AP1B1: variants seen among roughly 807,000 people sequenced by gnomAD.
AP1B1 encodes the protein AP-1 complex subunit beta-1.
A neutral mutation model predicts 104.3 loss-of-function variants in AP1B1; 36 were observed. The observed-to-expected ratio is 0.35, with a 90% CI of 0.26 to 0.46. The LOEUF is 0.46. AP1B1 is among the 20% of genes least tolerant of loss of function. AP1B1 has a pLI of 1.00. For synonymous variants in AP1B1, 504 were observed against 517.5 expected (o/e 0.97, Z 0.35); for missense variants, 901 against 1,247.9 (o/e 0.72, Z 4.19).
At chr22:29,334,742 G>A (rs111867815) in intron 16 of AP1B1, among the ~76,000 whole-genome samples, 163 of 150,612 alleles carry the variant, frequency 1.1e-3, no homozygotes, top group African/African-American at 3.7e-3. Context: ...GCTGGCAATG[G>A]AGGGATCACT....
At chr22:29,353,153 C>G (rs540629992) in intron 7 of AP1B1, among the ~76,000 whole-genome samples, 1 of 152,238 alleles carries the variant, frequency 6.6e-6, no homozygotes, top group East Asian at 1.9e-4. Context: ...TACTCCTATG[C>G]CCTTCCAGAA....
At chr22:29,333,633 G>C (rs2061593980) in intron 17 of AP1B1, among the ~76,000 whole-genome samples, 1 of 151,960 alleles carries the variant, frequency 6.6e-6, no homozygotes, top group South Asian at 2.1e-4. Context: ...AGGATTGCTT[G>C]AGCCCAAGGG....
intron 15 of AP1B1, among the ~76,000 whole-genome samples, chr22:29,339,524 C>T (rs1055443550): frequency 2.0e-5 from 3 of 151,884 alleles, no homozygotes; most frequent in Admixed American, 6.6e-5. Context: ...GATGACAAGG[C>T]GACGTGTCAT....
intron 22 of AP1B1, 184 bp from the exon 23 acceptor site, chr22:29,329,079 T>C: frequency 7.1e-7 from 1 of 1,412,458 alleles, no homozygotes; most frequent in African/African-American, 1.4e-5. Context: ...GCCAGCCGGG[T>C]GTGGACCAAA....
Position 29,328,841 on chromosome 22 carries a change from C to T in AP1B1, c.2830G>A (p.Glu944Lys), listed in dbSNP as rs1308738308. 11 of 1,608,216 alleles carry T rather than the reference C, an allele frequency of 6.8e-6. No individual in the cohort carries two copies. Among genetic ancestry groups the T allele is most frequent in the African/African-American group, 2.7e-5 (2 of 74,828 alleles). The change falls in exon 23 of 23, where the codon GAG (glutamate) becomes AAG (lysine). Residue 944 changes from glutamate to lysine, a missense_variant. Coordinates refer to ENST00000357586, the MANE Select transcript of AP1B1 (RefSeq NM_001127.4). The surrounding 1 kb of genome is among the most constrained non-coding windows in gnomAD (Gnocchi z 4.1). ...EVSQHVYQAYETILKN is the reference protein window; with the variant it reads ...EVSQHVYQAYKTILKN ...GGGTCTCAGTTCTTGAGGATGGTCT[C>T]GTAGGCCTGGTACACGTGCTGGGAC...
chr22:29,355,953 G>A (rs937708007), intron 6 of AP1B1, among the ~76,000 whole-genome samples: 2 of 152,054 alleles, frequency 1.3e-5, no homozygotes, highest in African/African-American at 4.8e-5. Context: ...AGGGTATCTT[G>A]TTGGTTAAGA....
chr22:29,330,099 G>T, intron 21 of AP1B1: 1 of 1,415,912 alleles, frequency 7.1e-7, no homozygotes, highest in East Asian at 2.6e-5. Context: ...TCACTTCCCA[G>T]TCAGGGGTGC....
In AP1B1 at chr22:29,328,913, G is replaced by A; in HGVS notation, c.2776-18C>T. 1 of 1,602,964 alleles carries A rather than the reference G, an allele frequency of 6.2e-7. No individual in the cohort carries two copies. The highest frequency in any genetic ancestry group is 8.5e-7 in the Non-Finnish European group (1 of 1,176,828). On this transcript the variant is annotated intron_variant, in intron 22 of 22. Transcript: ENST00000357586. This position sits in a 1 kb window ranked among gnomAD's most constrained non-coding sequence, Gnocchi z 4.1. ...AGGGACAGCTGCAGGGGAGAGAGGG[G>A]TCGGGGGAAAGAGCGCTCATCCCTG...
intron 4 of AP1B1, 126 bp from the exon 5 acceptor site, chr22:29,359,097 CACCAACTACA>C (rs1477556232): frequency 1.0e-6 from 1 of 962,118 alleles, no homozygotes; most frequent in East Asian, 2.6e-5. Context: ...TGTGGATCTT[CACCAACTACA>C]GCCAACAACA....
intron 13 of AP1B1, 142 bp downstream of exon 13, chr22:29,341,359 C>G (rs1016012884): frequency 1.9e-6 from 2 of 1,071,882 alleles, no homozygotes; most frequent in Non-Finnish European, 2.6e-6. Context: ...ACCTTGTGTA[C>G]AATAAATAGC....
chr22:29,338,817 G>C (rs2061673096), intron 16 of AP1B1, among the ~76,000 whole-genome samples, 173 bp downstream of exon 16: 1 of 152,154 alleles, frequency 6.6e-6, no homozygotes, highest in African/African-American at 2.4e-5. Flanking sequence ...AGCCTTCCTA[G>C]GTACCCACCA....
intron 19 of AP1B1, 103 bp downstream of exon 19, chr22:29,331,345 CG>C: frequency 8.8e-7 from 1 of 1,139,552 alleles, no homozygotes; most frequent in South Asian, 1.3e-5. Context: ...ACTCCATTTA[CG>C]GGCAAGGCAG....
At chr22:29,365,772 A>G (rs2062125877) in intron 2 of AP1B1, among the ~76,000 whole-genome samples, 1 of 150,570 alleles carries the variant, frequency 6.6e-6, no homozygotes. Context: ...CTTTCCCCAA[A>G]TGTGTCACAG....
intron 3 of AP1B1, among the ~76,000 whole-genome samples, chr22:29,360,684 C>G (rs1398017921): frequency 6.6e-6 from 1 of 152,218 alleles, no homozygotes; most frequent in Non-Finnish European, 1.5e-5. Context: ...TCATAAATGT[C>G]AAATAACCTG....
At chr22:29,341,460 CAG>C in intron 13 of AP1B1, 39 bp downstream of exon 13, 1 of 1,586,776 alleles carries the variant, frequency 6.3e-7, no homozygotes, top group Non-Finnish European at 8.6e-7. Flanking sequence ...ACTGGGGAAG[CAG>C]AGTGTGAAGG....
chr22:29,342,237 C>G, intron 12 of AP1B1, 48 bp downstream of exon 12: 1 of 1,500,524 alleles, frequency 6.7e-7, no homozygotes, highest in Non-Finnish European at 9.2e-7. Flanking sequence ...AGTTCCCCTG[C>G]TTGAGTGAGG....
intron 12 of AP1B1, 118 bp from the exon 13 acceptor site, chr22:29,341,878 T>G: frequency 1.6e-6 from 2 of 1,227,510 alleles, no homozygotes; most frequent in Non-Finnish European, 2.2e-6. Context: ...ACAGCAGTCC[T>G]GAGTGCTCCC....
intron 9 of AP1B1, among the ~76,000 whole-genome samples, 158 bp from the exon 10 acceptor site, chr22:29,350,308 A>G (rs926788937): frequency 6.6e-6 from 1 of 152,170 alleles, no homozygotes; most frequent in African/African-American, 2.4e-5. Context: ...GTAACAGGAG[A>G]GAACCAGTAC....
intron 5 of AP1B1, 127 bp downstream of exon 5, chr22:29,358,596 GAAC>G: frequency 7.8e-7 from 1 of 1,287,774 alleles, no homozygotes; most frequent in African/African-American, 1.5e-5. Flanking sequence ...AAAGGCACAA[GAAC>G]AACTGGCACC....
Sources: allele counts gnomAD v4.1 joint callset (sites outside exome capture counted in the v4.1 genomes callset), GRCh38; gene constraint gnomAD v4.1.1; non-coding constraint Gnocchi (gnomAD v3.1); transcripts MANE v1.5; gene names NCBI Gene and HGNC (gene_info 2026-07-23, HGNC 2026-07-21).